The following KSR2 variants were observed in gnomAD, a reference collection of about 807,000 sequenced individuals.
KSR2 encodes kinase suppressor of ras 2.
In KSR2, 25 loss-of-function variants were observed where a neutral mutation model predicts 107.8. The observed-to-expected ratio is 0.23, with a 90% CI of 0.17 to 0.32. The LOEUF is 0.32. Among genes scored for constraint, KSR2 ranks in the 10% least tolerant of loss-of-function variants. KSR2 has a pLI of 1.00. For synonymous variants in KSR2, 480 were observed against 507.0 expected (o/e 0.95, Z 0.71); for missense variants, 887 against 1,268.9 (o/e 0.70, Z 4.57).
chr12:117,747,115 A>G (rs1003835223), intron 4 of KSR2, among the ~76,000 whole-genome samples: 18 of 152,216 alleles, frequency 1.2e-4, no homozygotes, highest in African/African-American at 4.3e-4. Flanking sequence ...TCATTCTACT[A>G]TAAAGACACA....
At chr12:117,901,024 G>T (rs369891565) in intron 1 of KSR2, among the ~76,000 whole-genome samples, 1 of 152,058 alleles carries the variant, frequency 6.6e-6, no homozygotes, top group Admixed American at 6.6e-5. Flanking sequence ...CGGCATCAAG[G>T]ACTCTTCCAA....
chr12:117,610,389 A>C (rs542647128), intron 5 of KSR2, among the ~76,000 whole-genome samples: 3 of 152,334 alleles, frequency 2.0e-5, no homozygotes, highest in Admixed American at 6.5e-5. Flanking sequence ...CAAACAATAA[A>C]AGAATGAGTA....
At chr12:117,889,862 T>A (rs556661433) in intron 1 of KSR2, 3 of 152,342 alleles carry the variant, frequency 2.0e-5, no homozygotes, top group African/African-American at 7.2e-5. Flanking sequence ...CTCTTCAACA[T>A]CTTTCAATAC....
chr12:117,960,134 G>C (rs1414137963), intron 1 of KSR2, among the ~76,000 whole-genome samples: 15 of 151,790 alleles, frequency 9.9e-5, no homozygotes, highest in Non-Finnish European at 7.4e-5. Context: ...CCCTCTGCCT[G>C]GCACACTCTT....
chr12:117,724,327 A>G (rs1466708407), intron 4 of KSR2, among the ~76,000 whole-genome samples: 2 of 151,722 alleles, frequency 1.3e-5, no homozygotes, highest in Non-Finnish European at 2.9e-5. Flanking sequence ...AAAAAAAAAA[A>G]AAAGAAAAAT....
intron 5 of KSR2, among the ~76,000 whole-genome samples, chr12:117,583,009 C>T (rs1326136771): frequency 6.6e-6 from 1 of 152,172 alleles, no homozygotes; most frequent in Non-Finnish European, 1.5e-5. Context: ...AAACCCTATG[C>T]AGAAAGCCAT....
At chr12:117,512,648 C>T (rs1398590571) in intron 14 of KSR2, among the ~76,000 whole-genome samples, 1 of 152,196 alleles carries the variant, frequency 6.6e-6, no homozygotes, top group Non-Finnish European at 1.5e-5. Flanking sequence ...GCATGAATGG[C>T]TCCCAGGCTA....
intron 4 of KSR2, among the ~76,000 whole-genome samples, chr12:117,672,816 G>A (rs372608219): frequency 2.0e-5 from 3 of 152,216 alleles, no homozygotes; most frequent in East Asian, 3.9e-4. Context: ...ATAGAGACGG[G>A]GTTTCACTAT....
At chr12:117,829,257 G>A (rs774333910) in intron 3 of KSR2, among the ~76,000 whole-genome samples, 33 of 151,874 alleles carry the variant, frequency 2.2e-4, no homozygotes, top group African/African-American at 2.9e-4. Context: ...AGGTTTTTCC[G>A]TATGCCTGAG....
Position 117,595,091 on chromosome 12 carries a change from A to C in KSR2, c.1172-12732T>G, listed in dbSNP as rs542090144. Among the ~76,000 whole-genome samples, 8 of 152,314 alleles carry C rather than the reference A, an allele frequency of 5.3e-5. No homozygotes were observed. The South Asian group carries it at 1.7e-3, about 32-fold the overall frequency. On this transcript the variant is annotated intron_variant, in intron 5 of 19. Coordinates refer to ENST00000339824, the MANE Select transcript of KSR2 (RefSeq NM_173598.6). ...AGGAGAGGCAGAGCTTGACCCTCCCAGCCCATCCAGGGGACAGAGCTCTAT... is the reference window on the plus strand; with the variant it reads ...AGGAGAGGCAGAGCTTGACCCTCCCCGCCCATCCAGGGGACAGAGCTCTAT...
chr12:117,559,486 C>T (rs118076615), intron 7 of KSR2, among the ~76,000 whole-genome samples: 9 of 152,276 alleles, frequency 5.9e-5, no homozygotes, highest in Non-Finnish European at 1.2e-4. Flanking sequence ...TTATCATTCC[C>T]ATTTCACAGA....
chr12:117,802,198 T>C (rs572648568), intron 3 of KSR2, among the ~76,000 whole-genome samples: 2 of 152,202 alleles, frequency 1.3e-5, no homozygotes, highest in Admixed American at 6.5e-5. Flanking sequence ...TCAGTATACC[T>C]TGTTCCTGGC....
chr12:117,670,437 G>C (rs1251644584), intron 4 of KSR2, among the ~76,000 whole-genome samples: 2 of 152,200 alleles, frequency 1.3e-5, no homozygotes, highest in Non-Finnish European at 2.9e-5. Context: ...GGTGGTGCCA[G>C]CCCTGAAACC....
chr12:117,720,582 G>A (rs1219035246), intron 4 of KSR2, among the ~76,000 whole-genome samples: 4 of 152,148 alleles, frequency 2.6e-5, no homozygotes, highest in African/African-American at 4.8e-5. Flanking sequence ...TTATTCATTC[G>A]ACAAAGTCTA....
intron 3 of KSR2, among the ~76,000 whole-genome samples, chr12:117,835,547 C>T (rs1272201919): frequency 6.6e-6 from 1 of 152,154 alleles, no homozygotes; most frequent in Non-Finnish European, 1.5e-5. Flanking sequence ...AATCATTATC[C>T]TCCTCCTTAG....
At chr12:117,911,944 A>C (rs999349083) in intron 1 of KSR2, among the ~76,000 whole-genome samples, 37 of 152,238 alleles carry the variant, frequency 2.4e-4, no homozygotes, top group African/African-American at 8.9e-4. Flanking sequence ...TCAAATTTAG[A>C]CATCTGATGC....
intron 1 of KSR2, among the ~76,000 whole-genome samples, chr12:117,960,361 A>G (rs747061147): frequency 6.6e-6 from 1 of 152,188 alleles, no homozygotes; most frequent in Non-Finnish European, 1.5e-5. Context: ...GGGCTTATCT[A>G]TGTAACATGC....
intron 5 of KSR2, among the ~76,000 whole-genome samples, chr12:117,596,595 A>G (rs1452989325): frequency 6.6e-6 from 1 of 152,148 alleles, no homozygotes; most frequent in Non-Finnish European, 1.5e-5. Flanking sequence ...TTGCGTATTT[A>G]TTTTACACAT....
chr12:117,831,977 T>C (rs1226537173), intron 3 of KSR2, among the ~76,000 whole-genome samples: 1 of 152,216 alleles, frequency 6.6e-6, no homozygotes, highest in Non-Finnish European at 1.5e-5. Flanking sequence ...GGGTGGTTTT[T>C]TCACCTCCTA....
Sources: allele counts gnomAD v4.1 joint callset (sites outside exome capture counted in the v4.1 genomes callset), GRCh38; gene constraint gnomAD v4.1.1; transcripts MANE v1.5; gene names NCBI Gene and HGNC (gene_info 2026-07-23, HGNC 2026-07-21).